PPP1R9A: variants seen among roughly 807,000 people sequenced by gnomAD.
The protein encoded by PPP1R9A is neurabin-1.
Under a neutral mutation model 141.9 loss-of-function variants are expected in PPP1R9A, and 59 were observed. The observed-to-expected ratio is 0.42, with a 90% CI of 0.34 to 0.52. The LOEUF is 0.52. Ranked by LOEUF, PPP1R9A falls within the 20% of genes least tolerant of loss-of-function variation. The probability of loss-of-function intolerance (pLI) is 0.10; values close to 1 mark genes in which losing one functional copy is unlikely to be tolerated. For synonymous variants in PPP1R9A, 500 were observed against 569.7 expected (o/e 0.88, Z 1.74); for missense variants, 1,444 against 1,611.9 (o/e 0.90, Z 1.78).
At chr7:94,975,723 T>C (rs977856553) in intron 2 of PPP1R9A, among the ~76,000 whole-genome samples, 1 of 152,204 alleles carries the variant, frequency 6.6e-6, no homozygotes, top group African/African-American at 2.4e-5. Context: ...AGTTGATATT[T>C]TTGTTTCTGT....
At chr7:94,953,007 G>A (rs1271862035) in intron 2 of PPP1R9A, among the ~76,000 whole-genome samples, 1 of 152,078 alleles carries the variant, frequency 6.6e-6, no homozygotes, top group African/African-American at 2.4e-5. Context: ...ATTGCTTTTG[G>A]TGTTTTAGCC....
chr7:95,106,770 T>A (rs1047076615), intron 2 of PPP1R9A, among the ~76,000 whole-genome samples: 1 of 152,208 alleles, frequency 6.6e-6, no homozygotes, highest in Non-Finnish European at 1.5e-5. Flanking sequence ...TATCCTTTTT[T>A]TCTATATCCT....
At chr7:94,924,622 G>A (rs1001124668) in intron 2 of PPP1R9A, among the ~76,000 whole-genome samples, 4 of 152,072 alleles carry the variant, frequency 2.6e-5, no homozygotes, top group African/African-American at 7.2e-5. Flanking sequence ...TCCGTCTCCC[G>A]AGTTCAAGCG....
intron 2 of PPP1R9A, among the ~76,000 whole-genome samples, chr7:94,913,897 C>T (rs566162272): frequency 1.2e-3 from 185 of 152,130 alleles, no homozygotes; most frequent in African/African-American, 4.3e-3. Context: ...ATTTAAAATC[C>T]ATAAAAAACA....
intron 4 of PPP1R9A, among the ~76,000 whole-genome samples, chr7:95,148,969 T>A (rs150974239): frequency 1.5e-3 from 230 of 152,126 alleles, no homozygotes; most frequent in African/African-American, 5.3e-3. Flanking sequence ...TATATCAATA[T>A]GTATATTGAT....
chr7:94,925,658 C>T (rs900767612), intron 2 of PPP1R9A, among the ~76,000 whole-genome samples: 2 of 151,992 alleles, frequency 1.3e-5, no homozygotes, highest in Non-Finnish European at 2.9e-5. Flanking sequence ...ATTTTGAGGG[C>T]AGGGAATTTG....
chr7:95,000,520 C>T (rs112192509), intron 2 of PPP1R9A, among the ~76,000 whole-genome samples: 26 of 152,152 alleles, frequency 1.7e-4, no homozygotes, highest in Admixed American at 8.5e-4. Flanking sequence ...CTATAGCCTA[C>T]ATAATTTGAG....
At chr7:95,144,362 G>A (rs1041862721) in intron 4 of PPP1R9A, among the ~76,000 whole-genome samples, 2 of 152,084 alleles carry the variant, frequency 1.3e-5, no homozygotes, top group Admixed American at 6.6e-5. Context: ...ATGTGTGCGT[G>A]TGTAAAATCA....
intron 2 of PPP1R9A, chr7:95,018,510 G>A (rs1030972102): frequency 2.0e-5 from 3 of 153,196 alleles, no homozygotes; most frequent in Non-Finnish European, 4.4e-5. Flanking sequence ...TCACTTTTAA[G>A]TATGACTAGT....
chr7:95,147,286 GCTCT>G (rs1320200404), intron 4 of PPP1R9A, among the ~76,000 whole-genome samples: 1 of 151,930 alleles, frequency 6.6e-6, no homozygotes, highest in Non-Finnish European at 1.5e-5. Flanking sequence ...TCATGATTTG[GCTCT>G]CTGTTTGTCT....
At chr7:95,106,131 T>G (rs1819479803) in intron 2 of PPP1R9A, among the ~76,000 whole-genome samples, 1 of 152,102 alleles carries the variant, frequency 6.6e-6, no homozygotes, top group African/African-American at 2.4e-5. Context: ...AAAGAGAGTA[T>G]GATATGGGTA....
intron 3 of PPP1R9A, among the ~76,000 whole-genome samples, chr7:95,117,222 C>T (rs1013422551): frequency 6.6e-6 from 1 of 151,734 alleles, no homozygotes; most frequent in Admixed American, 6.6e-5. Context: ...TGCCTTGGTG[C>T]TTTGCCTGTC....
rs1167382285 is a variant in PPP1R9A, at chr7:95,151,941, C to CTTTTTTTTTTTT, written c.1650-9908_1650-9897dup. Among the ~76,000 whole-genome samples the CTTTTTTTTTTTT allele has an allele frequency of 1.0e-3, 56 of 54,466 alleles. 8 individuals carry two copies. Among genetic ancestry groups the CTTTTTTTTTTTT allele is most frequent in the Admixed American group, 1.5e-3 (5 of 3,320 alleles). 35.7% of individuals were successfully genotyped at this position (54,466 alleles called of 152,430 possible). A position where few individuals can be genotyped will look rare whatever the true frequency, so the allele number is the denominator to read the frequency against. On this transcript the variant is annotated intron_variant, in intron 4 of 19. Transcript: ENST00000433360. ...AATGTCAGCACATAGTACTGAGAAT[C>CTTTTTTTTTTTT]TTTTTTTTTTTTTTTTTTTTTTTTT...
rs546629375 is a variant in PPP1R9A, at chr7:95,185,958, A to T, written c.1755-12391A>T. On this transcript the variant is annotated intron_variant, in intron 5 of 19. Coordinates refer to ENST00000433360, the MANE Select transcript of PPP1R9A (RefSeq NM_001166160.2). ...GTATAATTTGAAGTCAGGTAATGTG[A>T]TGCCTCCAGATTTGTTCTTTTTGCT... Among the ~76,000 whole-genome samples the T allele has an allele frequency of 2.6e-5, 4 of 152,224 alleles. 1 individual carries two copies. The highest frequency in any genetic ancestry group is 2.6e-4 in the Admixed American group (4 of 15,296).
In PPP1R9A at chr7:95,273,955, G is replaced by C; in HGVS notation, c.3181G>C (p.Gly1061Arg). The change falls in exon 15 of 20, where the codon GGA becomes CGA. Residue 1061 changes from glycine to arginine, a missense_variant. By Grantham distance (125) the Gly-to-Arg change is moderately radical (BLOSUM62 -2). Around this residue, in one of 5 missense-constraint regions of PPP1R9A, gnomAD observed 459 missense variants for 513.8 expected, o/e 0.89. Transcript: ENST00000433360. ...ATCCAGTTCATTGGCGGTGCAAGGAGGAAAAATTAAGCGGAAGTTTGTGGA... is the reference window on the plus strand; with the variant it reads ...ATCCAGTTCATTGGCGGTGCAAGGACGAAAAATTAAGCGGAAGTTTGTGGA... ...RASSSLAVQG[G>R]KIKRKFVDLG... The C allele has an allele frequency of 6.6e-7, 1 of 1,505,028 alleles. No homozygotes were observed. Among genetic ancestry groups the C allele is most frequent in the Non-Finnish European group, 9.1e-7 (1 of 1,095,130 alleles). 93.2% of individuals were successfully genotyped at this position (1,505,028 alleles called of 1,614,324 possible).
chr7:95,177,440 C>A (rs1833062064), intron 5 of PPP1R9A, among the ~76,000 whole-genome samples: 1 of 151,846 alleles, frequency 6.6e-6, no homozygotes, highest in Non-Finnish European at 1.5e-5. Flanking sequence ...CTCACAGGAC[C>A]AACAAAACAA....
At chr7:95,167,966 C>G (rs1204306531) in intron 5 of PPP1R9A, among the ~76,000 whole-genome samples, 1 of 152,162 alleles carries the variant, frequency 6.6e-6, no homozygotes, top group African/African-American at 2.4e-5. Flanking sequence ...AATGACCACA[C>G]TCCCCAGAGC....
At chr7:95,067,000 TC>T (rs1260007473) in intron 2 of PPP1R9A, among the ~76,000 whole-genome samples, 1 of 152,222 alleles carries the variant, frequency 6.6e-6, no homozygotes, top group Non-Finnish European at 1.5e-5. Context: ...GTATCGGATT[TC>T]TCCGTTTTAA....
intron 14 of PPP1R9A, among the ~76,000 whole-genome samples, chr7:95,273,493 G>A (rs1449443508): frequency 1.3e-5 from 2 of 152,186 alleles, no homozygotes; most frequent in African/African-American, 4.8e-5. Flanking sequence ...CTATGTTCCT[G>A]TTAGAAGGCA....
Sources: gnomAD v4.1 joint callset for allele counts (sites outside exome capture counted in the v4.1 genomes callset) on GRCh38, gnomAD v4.1.1 for gene constraint, gnomAD v4.1.1 regional missense constraint, MANE v1.5 for transcripts, NCBI Gene and HGNC (gene_info 2026-07-23, HGNC 2026-07-21) for gene names.